Variants in FANCE observed in about 807,000 individuals in gnomAD.
FANCE encodes Fanconi anemia group E protein.
Under a neutral mutation model 57.8 loss-of-function variants are expected in FANCE, and 42 were observed. The observed-to-expected ratio is 0.73, with a 90% CI of 0.57 to 0.94. The LOEUF (loss-of-function observed/expected upper bound fraction) is 0.94. Among genes scored for constraint, FANCE ranks in the 40% least tolerant of loss-of-function variants. FANCE has a pLI of 0.00. For missense variants in FANCE, 608 were observed against 661.8 expected (o/e 0.92, Z 0.89); for synonymous variants, 251 against 286.4 (o/e 0.88, Z 1.25).
Position 35,466,667 on chromosome 6 carries a change from C to G in FANCE, c.*322C>G. The G allele has an allele frequency of 2.3e-6, 1 of 427,038 alleles. No individual in the cohort carries two copies. Among genetic ancestry groups the G allele is most frequent in the South Asian group, 2.3e-5 (1 of 44,326 alleles). The allele number at this position is 427,038 out of a possible 1,614,324, so 26.5% of individuals were successfully genotyped here. ...CACTGTAACCTCTGCCTCCCAGGCT[C>G]GATCCTCCCATGTCAGCCTCCCAAG... On this transcript the variant is annotated 3_prime_UTR_variant, in exon 10 of 10. Coordinates refer to ENST00000229769, the MANE Select transcript of FANCE (RefSeq NM_021922.3).
intron 9 of FANCE, among the ~76,000 whole-genome samples, chr6:35,465,801 G>C (rs1226838346): frequency 6.6e-6 from 1 of 152,200 alleles, no homozygotes; most frequent in African/African-American, 2.4e-5. Flanking sequence ...CAGGGCCTGA[G>C]ACCTGTCAGG....
At chr6:35,454,294 C>T (rs1767235216) in intron 1 of FANCE, among the ~76,000 whole-genome samples, 1 of 152,168 alleles carries the variant, frequency 6.6e-6, no homozygotes, top group Non-Finnish European at 1.5e-5. Flanking sequence ...ACTCCTGATC[C>T]ACCCACCTCG....
intron 2 of FANCE, among the ~76,000 whole-genome samples, chr6:35,457,125 A>G (rs1359379873): frequency 6.8e-6 from 1 of 147,938 alleles, no homozygotes; most frequent in African/African-American, 2.5e-5. Context: ...CATGTTCTTG[A>G]CTTTTTTTTT....
chr6:35,462,243 G>A (rs45456499), intron 8 of FANCE, among the ~76,000 whole-genome samples: 240 of 152,146 alleles, frequency 1.6e-3, no homozygotes, highest in Non-Finnish European at 2.9e-3. Flanking sequence ...GAGTAGCTGG[G>A]ATTACAGGCA....
rs570498238 is a variant in FANCE, at chr6:35,452,649, C to T, written c.104C>T (p.Ala35Val). Residue 35 changes from alanine (A) to valine (V), a missense_variant, in exon 1 of 10, where the codon GCG becomes GTG. Ala to Val is a moderately conservative substitution (Grantham distance 64, BLOSUM62 0). Coordinates refer to ENST00000229769, the MANE Select transcript of FANCE (RefSeq NM_021922.3). ...PARLLLQALQ[A>V]GPEGARRGLG... Reference sequence around the variant, plus strand: ...CGCCTCCTGCTGCAGGCGCTGCAGGCGGGGCCTGAGGGGGCGCGGCGCGGC... The same window carrying T: ...CGCCTCCTGCTGCAGGCGCTGCAGGTGGGGCCTGAGGGGGCGCGGCGCGGC... 63 of 1,252,284 alleles carry T rather than the reference C, an allele frequency of 5.0e-5. 1 individual carries two copies. The South Asian group carries it at 2.0e-3, about 39-fold the overall frequency. The allele number at this position is 1,252,284 out of a possible 1,614,324, so 77.6% of individuals were successfully genotyped here. A position where few individuals can be genotyped will look rare whatever the true frequency, so the allele number is the denominator to read the frequency against.
chr6:35,463,813 G>A (rs1767692110), intron 9 of FANCE, among the ~76,000 whole-genome samples: 1 of 151,918 alleles, frequency 6.6e-6, no homozygotes, highest in Middle Eastern at 3.4e-3. Flanking sequence ...CTGCCACCAC[G>A]CCTGGCTAAT....
chr6:35,459,649 C>A (rs574832072), intron 6 of FANCE, 33 bp from the exon 7 acceptor site: 6 of 1,610,218 alleles, frequency 3.7e-6, no homozygotes, highest in Non-Finnish European at 5.1e-6. Flanking sequence ...GCCATTTCCC[C>A]CCAGACTTCC....
At chr6:35,465,196 C>CA (rs1491068976) in intron 9 of FANCE, among the ~76,000 whole-genome samples, 1 of 149,796 alleles carries the variant, frequency 6.7e-6, no homozygotes, top group Non-Finnish European at 1.5e-5. Context: ...TTTTGAGAGA[C>CA]AGAGTCTTGG....
At chr6:35,460,468 C>T (rs2150898274) in intron 7 of FANCE, 84 bp from the exon 8 acceptor site, 6 of 1,391,524 alleles carry the variant, frequency 4.3e-6, no homozygotes, top group Non-Finnish European at 6.1e-6. Context: ...GGGCCTTGCC[C>T]TGCTGTGGGA....
At position 35,466,521 on chromosome 6, in the gene FANCE, G is replaced by T. The variant is rs1448239814; in HGVS notation, c.*176G>T. ...ATAGGGAATATTGGCTTCCCAGCCA[G>T]CAGGGAGGCTCCTGGGCTAAGGGAG... On this transcript the variant is annotated 3_prime_UTR_variant, in exon 10 of 10. Coordinates refer to ENST00000229769, the MANE Select transcript of FANCE (RefSeq NM_021922.3). 1.6e-6 allele frequency: 1 copy of T among 644,870 alleles called. No homozygotes were observed. The highest frequency in any genetic ancestry group is 2.8e-6 in the Non-Finnish European group (1 of 354,870). 39.9% of individuals were successfully genotyped at this position (644,870 alleles called of 1,614,324 possible).
intron 9 of FANCE, among the ~76,000 whole-genome samples, chr6:35,464,485 C>T (rs1378387198): frequency 1.3e-5 from 2 of 151,762 alleles, no homozygotes; most frequent in South Asian, 2.1e-4. Flanking sequence ...GATCTGTCCG[C>T]CTTGGCCTCC....
chr6:35,459,248 A>G, intron 5 of FANCE, 83 bp from the exon 6 acceptor site: 5 of 1,558,030 alleles, frequency 3.2e-6, no homozygotes, highest in Non-Finnish European at 4.4e-6. Context: ...TGTAACATGT[A>G]TCATCATCTG....
intron 1 of FANCE, among the ~76,000 whole-genome samples, chr6:35,454,067 G>GT (rs1279346139): frequency 7.6e-5 from 11 of 143,950 alleles, no homozygotes; most frequent in Non-Finnish European, 1.3e-4. Flanking sequence ...TTTTTTGTTT[G>GT]TTTTGTTTTT....
chr6:35,459,326 T>C lies in FANCE; in HGVS notation c.1114-5T>C. On this transcript the variant is annotated splice_polypyrimidine_tract_variant and splice_region_variant and intron_variant, in intron 5 of 9. Transcript: ENST00000229769. ...AATTAATTTTTTCCTCCCTGTTGGC[T>C]GTAGATCCTCTCCTTGACTTCCTCA... 1 of 1,614,116 alleles carries C rather than the reference T, an allele frequency of 6.2e-7. No individual in the cohort carries two copies. The highest frequency in any genetic ancestry group is 8.5e-7 in the Non-Finnish European group (1 of 1,180,026).
intron 5 of FANCE, 69 bp downstream of exon 5, chr6:35,458,509 T>A: frequency 6.3e-7 from 1 of 1,583,184 alleles, no homozygotes; most frequent in Non-Finnish European, 8.7e-7. Context: ...CTCAGAAGGG[T>A]GGTACTTGAG....
At position 35,457,578 on chromosome 6, in the gene FANCE, A is replaced by G. The variant is rs146050807; in HGVS notation, c.878A>G (p.Gln293Arg). ...AIQDQLPRLQQLLKTLEEGLE... is the reference protein window; with the variant it reads ...AIQDQLPRLQRLLKTLEEGLE... ...CAGGACCAGCTTCCCAGGCTGCAGC[A>G]GCTGCTGAAGACCTTGGAGGAGGTG... Residue 293 changes from glutamine to arginine, a missense_variant, in exon 3 of 10, where the codon CAG (glutamine) becomes CGG (arginine). Coordinates refer to ENST00000229769, the MANE Select transcript of FANCE (RefSeq NM_021922.3). The G allele has an allele frequency of 3.1e-6, 5 of 1,613,972 alleles. No homozygotes were observed. The African/African-American group carries it at 5.3e-5, about 17-fold the overall frequency.
rs1270303750 is a variant in FANCE at position 35,452,689 on chromosome 6, G to A, written c.144G>A (p.Arg48=). 8.1e-7 allele frequency: 1 copy of A among 1,239,318 alleles called. No homozygotes were observed. The highest frequency in any genetic ancestry group is 3.7e-5 in the South Asian group (1 of 27,274). The allele number at this position is 1,239,318 out of a possible 1,614,324, so 76.8% of individuals were successfully genotyped here. The change falls in exon 1 of 10, where the codon CGG becomes CGA. Residue 48 remains arginine, a synonymous_variant. Transcript: ENST00000229769. ...EGARRGLGVL[R]ALGSRGWEPF... Reference sequence around the variant, plus strand: ...CGCGGCGCGGCCTGGGGGTGCTCCGGGCGCTGGGCAGCCGCGGCTGGGAGC... The same window carrying A: ...CGCGGCGCGGCCTGGGGGTGCTCCGAGCGCTGGGCAGCCGCGGCTGGGAGC...
At chr6:35,463,989 TAGTC>T (rs1478590457) in intron 9 of FANCE, among the ~76,000 whole-genome samples, 6 of 151,710 alleles carry the variant, frequency 4.0e-5, no homozygotes, top group Non-Finnish European at 7.4e-5. Flanking sequence ...AGGTGAATGG[TAGTC>T]AAGAGCCAGA....
chr6:35,458,554 G>A lies in FANCE; in HGVS notation c.1113+114G>A, dbSNP rs377036453. On this transcript the variant is annotated intron_variant, in intron 5 of 9. Transcript: ENST00000229769. The stretch of plus-strand genomic sequence containing the variant: ...TCCCAGCCTTGTAGACATCTGGGCT[G>A]TTTGGGCAGCCTGGGGCAAGGAAAG... 456 of 1,344,172 alleles carry A rather than the reference G, an allele frequency of 3.4e-4. 2 individuals carry two copies. In the East Asian group the frequency reaches 7.3e-3, roughly 21 times the overall value. The allele number at this position is 1,344,172 out of a possible 1,614,324, so 83.3% of individuals were successfully genotyped here. A position where few individuals can be genotyped will look rare whatever the true frequency, so the allele number is the denominator to read the frequency against.
Sources: gnomAD v4.1 joint callset for allele counts (sites outside exome capture counted in the v4.1 genomes callset) on GRCh38, gnomAD v4.1.1 for gene constraint, MANE v1.5 for transcripts, NCBI Gene and HGNC (gene_info 2026-07-23, HGNC 2026-07-21) for gene names.